The following TMEM131 variants were observed in gnomAD, a reference collection of about 807,000 sequenced individuals.
TMEM131 encodes the protein 2610524E03Rik.
TMEM131 carries 66 observed loss-of-function variants against 211.6 expected under a neutral mutation model. The ratio of observed to expected loss-of-function variants is 0.31; its 90% CI spans 0.26 to 0.38. The LOEUF (loss-of-function observed/expected upper bound fraction) is 0.38. TMEM131 is among the 10% of genes least tolerant of loss of function. TMEM131 has a pLI of 1.00. For synonymous variants in TMEM131, 844 were observed against 841.3 expected (o/e 1.00, Z -0.06); for missense variants, 2,036 against 2,299.3 (o/e 0.89, Z 2.34).
At chr2:97,947,229 G>A (rs1464861424) in intron 1 of TMEM131, among the ~76,000 whole-genome samples, 3 of 151,754 alleles carry the variant, frequency 2.0e-5, no homozygotes, top group Admixed American at 6.6e-5. Context: ...GGCAATCTTC[G>A]TGCCAATAAA....
chr2:97,793,081 T>A, intron 30 of TMEM131, 97 bp from the exon 31 acceptor site: 2 of 893,934 alleles, frequency 2.2e-6, no homozygotes, highest in South Asian at 1.9e-5. Flanking sequence ...ACCATAAATA[T>A]AAACTACACT....
chr2:97,796,577 A>C (rs958678936), intron 27 of TMEM131, among the ~76,000 whole-genome samples, 173 bp from the exon 28 acceptor site: 1 of 152,202 alleles, frequency 6.6e-6, no homozygotes, highest in African/African-American at 2.4e-5. Context: ...TACTTTGATA[A>C]ATCATTTTAG....
chr2:97,981,525 A>C (rs1679797383), intron 1 of TMEM131, among the ~76,000 whole-genome samples: 2 of 152,190 alleles, frequency 1.3e-5, no homozygotes, highest in South Asian at 4.1e-4. Flanking sequence ...CCACCCAAAT[A>C]AGTGAGAAAT....
intron 3 of TMEM131, among the ~76,000 whole-genome samples, chr2:97,898,957 T>C (rs1373975856): frequency 6.6e-6 from 1 of 151,840 alleles, no homozygotes; most frequent in Non-Finnish European, 1.5e-5. Context: ...TTAGGTCAAG[T>C]TACTTAATAG....
At chr2:97,835,030 T>C (rs1682874532) in intron 8 of TMEM131, 105 bp from the exon 9 acceptor site, 5 of 1,144,690 alleles carry the variant, frequency 4.4e-6, no homozygotes, top group Non-Finnish European at 4.9e-6. Context: ...GTATTCTATA[T>C]ACCTATTAAT....
chr2:97,762,191 C>T lies in TMEM131; in HGVS notation c.4733G>A (p.Ser1578Asn). 14 of 1,613,886 alleles carry T rather than the reference C, an allele frequency of 8.7e-6. No homozygotes were observed. The highest frequency in any genetic ancestry group is 1.2e-5 in the Non-Finnish European group (14 of 1,179,856). Residue 1578 changes from serine (S) to asparagine (N), a missense_variant, in exon 36 of 41, where the codon AGT becomes AAT. Ser to Asn is a conservative substitution (Grantham distance 46, BLOSUM62 1). Coordinates refer to ENST00000186436, the MANE Select transcript of TMEM131 (RefSeq NM_015348.2). ...PVHKPGSSTD[S>N]LYKLSLQTLN... ...GGTTTGCAGAGAAAGTTTATAAAGA[C>T]TATCAGTAGCTGGAAATTAAAAACA...
intron 1 of TMEM131, among the ~76,000 whole-genome samples, chr2:97,972,635 G>A (rs1410244381): frequency 6.6e-6 from 1 of 152,150 alleles, no homozygotes; most frequent in Non-Finnish European, 1.5e-5. Flanking sequence ...TTGTGAATAT[G>A]CCAAATCACA....
At chr2:97,985,724 T>G (rs1468091280) in intron 1 of TMEM131, among the ~76,000 whole-genome samples, 1 of 151,166 alleles carries the variant, frequency 6.6e-6, no homozygotes, top group Non-Finnish European at 1.5e-5. Context: ...AAGAAATAGA[T>G]CCCAGTACAT....
chr2:97,826,677 A>G (rs545965682), intron 11 of TMEM131, among the ~76,000 whole-genome samples: 1 of 152,272 alleles, frequency 6.6e-6, no homozygotes, highest in Non-Finnish European at 1.5e-5. Context: ...AGAAAAAAAG[A>G]GAGACAAAAA....
At chr2:97,927,165 C>T (rs967145125) in intron 2 of TMEM131, among the ~76,000 whole-genome samples, 8 of 152,140 alleles carry the variant, frequency 5.3e-5, no homozygotes, top group South Asian at 4.1e-4. Flanking sequence ...ACACCTCTTA[C>T]GTAAAGATAA....
chr2:97,802,610 T>G, intron 23 of TMEM131, 42 bp downstream of exon 23: 3 of 1,607,364 alleles, frequency 1.9e-6, no homozygotes, highest in East Asian at 2.2e-5. Context: ...TTTATAATCC[T>G]AGTATGTATT....
At chr2:97,952,584 T>C (rs919982657) in intron 1 of TMEM131, among the ~76,000 whole-genome samples, 3 of 152,138 alleles carry the variant, frequency 2.0e-5, no homozygotes, top group Non-Finnish European at 4.4e-5. Context: ...ATAAGTACTG[T>C]CAATTGTGTG....
intron 1 of TMEM131, among the ~76,000 whole-genome samples, chr2:97,965,671 GCA>G (rs1422328112): frequency 2.3e-5 from 2 of 88,556 alleles, no homozygotes; most frequent in Admixed American, 2.0e-4. Flanking sequence ...CTCACAAACA[GCA>G]CAGATTACTT....
intron 3 of TMEM131, among the ~76,000 whole-genome samples, chr2:97,900,170 G>A (rs889484103): frequency 4.6e-5 from 7 of 152,134 alleles, no homozygotes; most frequent in African/African-American, 1.7e-4. Context: ...AAAGCTGCAA[G>A]AGTATTGTAC....
intron 33 of TMEM131, 148 bp downstream of exon 33, chr2:97,772,149 C>T: frequency 1.1e-6 from 1 of 890,262 alleles, no homozygotes; most frequent in Non-Finnish European, 1.7e-6. Context: ...AGAAAAATCC[C>T]AAGAGGAATG....
chr2:97,757,172 C>A lies in TMEM131; in HGVS notation c.5579G>T (p.Arg1860Leu), dbSNP rs199651021. The change falls in exon 41 of 41, where the codon CGG becomes CTG. Residue 1860 changes from arginine to leucine, a missense_variant. By Grantham distance (102) the Arg-to-Leu change is moderately radical. Around this residue, in one of 3 missense-constraint regions of TMEM131, gnomAD observed 1,623 missense variants for 1,805.9 expected, o/e 0.90. Transcript: ENST00000186436. ...TCTTCCAATCGTGGGGCTCCATATCCGCCACGGGTTGTAGGTCTGTCCCAA... is the reference window on the plus strand; with the variant it reads ...TCTTCCAATCGTGGGGCTCCATATCAGCCACGGGTTGTAGGTCTGTCCCAA... ...DDLGQTYNPW[R>L]IWSPTIGRRS... The A allele has an allele frequency of 6.2e-7, 1 of 1,613,710 alleles. No individual in the cohort carries two copies. Among genetic ancestry groups the A allele is most frequent in the South Asian group, 1.1e-5 (1 of 91,076 alleles).
chr2:97,832,649 G>A (rs1458809371), intron 11 of TMEM131, among the ~76,000 whole-genome samples: 1 of 152,124 alleles, frequency 6.6e-6, no homozygotes, highest in Non-Finnish European at 1.5e-5. Flanking sequence ...TTAAGTTTCT[G>A]GCATCAGCAC....
Position 97,759,654 on chromosome 2 carries a change from C to G in TMEM131, c.5204G>C (p.Gly1735Ala). Residue 1735 changes from glycine (G) to alanine (A), a missense_variant and splice_region_variant, in exon 39 of 41, where the codon GGT (glycine) becomes GCT (alanine). By Grantham distance (60) the Gly-to-Ala change is moderately conservative. Coordinates refer to ENST00000186436, the MANE Select transcript of TMEM131 (RefSeq NM_015348.2). ...SAFGNSFNLT[G>A]EVFSKLGLSR... Reference sequence around the variant, plus strand: ...CACATCTAGTGTTAAACACTCACCACCAGTTAGATTAAAAGAGTTTCCAAA... The same window carrying G: ...CACATCTAGTGTTAAACACTCACCAGCAGTTAGATTAAAAGAGTTTCCAAA... The G allele has an allele frequency of 6.2e-7, 1 of 1,611,492 alleles. No individual in the cohort carries two copies. Among genetic ancestry groups the G allele is most frequent in the Non-Finnish European group, 8.5e-7 (1 of 1,178,242 alleles).
At chr2:97,948,127 G>T (rs544520114) in intron 1 of TMEM131, among the ~76,000 whole-genome samples, 1 of 151,930 alleles carries the variant, frequency 6.6e-6, no homozygotes, top group African/African-American at 2.4e-5. Flanking sequence ...GTTTGGCAAA[G>T]ATATTCTTAA....
Sources: gnomAD v4.1 joint callset for allele counts (sites outside exome capture counted in the v4.1 genomes callset) on GRCh38, gnomAD v4.1.1 for gene constraint, gnomAD v4.1.1 regional missense constraint, MANE v1.5 for transcripts, NCBI Gene and HGNC (gene_info 2026-07-23, HGNC 2026-07-21) for gene names.